Variants in AGBL1 observed in about 807,000 individuals in gnomAD.
AGBL1 encodes the protein AGBL carboxypeptidase 1.
Under a neutral mutation model 118.9 loss-of-function variants are expected in AGBL1, and 130 were observed. The ratio of observed to expected loss-of-function variants is 1.09; its 90% CI spans 0.95 to 1.26. The LOEUF (loss-of-function observed/expected upper bound fraction) is 1.26. Among genes scored for constraint, AGBL1 ranks in the 50% most tolerant of loss-of-function variants. AGBL1 has a pLI of 0.00. For synonymous variants in AGBL1, 555 were observed against 478.9 expected, an observed-to-expected ratio of 1.16 and a Z score of -2.08; for missense variants, 1,584 against 1,298.1, an observed-to-expected ratio of 1.22 and a Z score of -3.38.
chr15:86,116,585 T>C (rs1897773192), intron 1 of AGBL1: 1 of 152,280 alleles, frequency 6.6e-6, no homozygotes, highest in Non-Finnish European at 1.5e-5. Flanking sequence ...ACTTACTCTC[T>C]CTTCTTGAGC....
intron 18 of AGBL1, among the ~76,000 whole-genome samples, chr15:86,424,607 C>T (rs1028034309): frequency 7.2e-5 from 11 of 152,168 alleles, no homozygotes; most frequent in Non-Finnish European, 1.5e-4. Context: ...AGGCAACCTA[C>T]AGAATGGGAG....
chr15:86,470,697 G>A (rs117372599), intron 18 of AGBL1, among the ~76,000 whole-genome samples: 801 of 151,818 alleles, frequency 5.3e-3, no homozygotes, highest in Non-Finnish European at 8.1e-3. Flanking sequence ...TATTTGTGTC[G>A]TCTTAAATTT....
intron 19 of AGBL1, 107 bp downstream of exon 19, chr15:86,523,046 G>A: frequency 7.4e-7 from 1 of 1,347,902 alleles, no homozygotes; most frequent in Non-Finnish European, 1.0e-6. Context: ...AAAAACCTAT[G>A]TATGACAAGA....
intron 22 of AGBL1, among the ~76,000 whole-genome samples, chr15:86,704,908 T>G (rs1349320411): frequency 6.6e-6 from 1 of 152,046 alleles, no homozygotes; most frequent in South Asian, 2.1e-4. Context: ...ATAGACAAGA[T>G]AAAGAAAATG....
intron 1 of AGBL1, among the ~76,000 whole-genome samples, chr15:86,082,106 G>A (rs569292473): frequency 1.3e-5 from 2 of 152,326 alleles, no homozygotes; most frequent in South Asian, 2.1e-4. Context: ...CCTGCACCAA[G>A]TGCTTCCCTA....
intron 22 of AGBL1, among the ~76,000 whole-genome samples, chr15:86,732,970 T>A (rs956725886): frequency 7.4e-5 from 11 of 148,978 alleles, no homozygotes; most frequent in Non-Finnish European, 1.2e-4. Context: ...CATATACATA[T>A]ACATACATAC....
intron 18 of AGBL1, among the ~76,000 whole-genome samples, chr15:86,504,910 G>T (rs1271820685): frequency 6.6e-6 from 1 of 151,524 alleles, no homozygotes; most frequent in African/African-American, 2.4e-5. Context: ...TTTCATTTAA[G>T]CCTGAAGCCT....
intron 7 of AGBL1, among the ~76,000 whole-genome samples, chr15:86,249,047 C>A (rs970944608): frequency 6.6e-6 from 1 of 152,132 alleles, no homozygotes; most frequent in Admixed American, 6.5e-5. Flanking sequence ...TCTAGGGATT[C>A]CTGGATTTCA....
chr15:86,144,807 A>G (rs2077011075), intron 3 of AGBL1, among the ~76,000 whole-genome samples: 1 of 152,196 alleles, frequency 6.6e-6, no homozygotes, highest in Non-Finnish European at 1.5e-5. Flanking sequence ...TTACCCTTGA[A>G]CTTAAAATAA....
At chr15:86,962,491 C>T (rs972475252) in intron 23 of AGBL1, among the ~76,000 whole-genome samples, 4 of 151,962 alleles carry the variant, frequency 2.6e-5, no homozygotes, top group Non-Finnish European at 5.9e-5. Context: ...TACTATCATG[C>T]CACATATTCG....
chr15:86,768,756 T>C (rs192224323), intron 22 of AGBL1, among the ~76,000 whole-genome samples: 1 of 152,114 alleles, frequency 6.6e-6, no homozygotes, highest in Admixed American at 6.6e-5. Flanking sequence ...TAGTCGTTTA[T>C]TGTTTACTAA....
intron 19 of AGBL1, among the ~76,000 whole-genome samples, chr15:86,525,930 C>A (rs188111583): frequency 1.1e-3 from 168 of 152,142 alleles, no homozygotes; most frequent in Non-Finnish European, 2.1e-3. Flanking sequence ...AACAGACAAC[C>A]TACAGAATGG....
chr15:86,692,197 CAAAAA>C (rs1188583323), intron 22 of AGBL1, among the ~76,000 whole-genome samples: 1 of 151,584 alleles, frequency 6.6e-6, no homozygotes, highest in Non-Finnish European at 1.5e-5. Context: ...AAACAAAAAA[CAAAAA>C]AACCAAAAAA....
intron 5 of AGBL1, among the ~76,000 whole-genome samples, chr15:86,219,990 T>C (rs1250414086): frequency 2.0e-5 from 3 of 147,404 alleles, no homozygotes; most frequent in Non-Finnish European, 4.5e-5. Flanking sequence ...TTCACTCTGT[T>C]GCCCGGGCTG....
chr15:86,596,045 A>G (rs907019618), intron 21 of AGBL1, among the ~76,000 whole-genome samples: 1 of 151,998 alleles, frequency 6.6e-6, no homozygotes, highest in Admixed American at 6.6e-5. Flanking sequence ...ACACTTGTAA[A>G]TCCAGCACTC....
chr15:86,589,968 G>T (rs974580325), intron 21 of AGBL1, among the ~76,000 whole-genome samples: 10 of 152,090 alleles, frequency 6.6e-5, no homozygotes, highest in Admixed American at 3.9e-4. Context: ...GGGGCAAAGG[G>T]AAAACTTCCT....
chr15:86,937,087 T>C (rs777869266), intron 23 of AGBL1, among the ~76,000 whole-genome samples: 2 of 152,100 alleles, frequency 1.3e-5, no homozygotes, highest in Non-Finnish European at 2.9e-5. Flanking sequence ...GAAATGCAAA[T>C]GGAAACCACA....
chr15:86,191,559 AG>A lies in AGBL1; in HGVS notation c.488+32536del, dbSNP rs373408898. Among the ~76,000 whole-genome samples, 420 of 152,170 alleles carry A rather than the reference AG, an allele frequency of 2.8e-3. 1 individual carries two copies. Among genetic ancestry groups the A allele is most frequent in the African/African-American group, 9.3e-3 (385 of 41,538 alleles). On this transcript the variant is annotated intron_variant, in intron 5 of 22. Coordinates refer to ENST00000614907, the MANE Select transcript of AGBL1 (RefSeq NM_001386094.1). ...GAATGACAATAATTTATAAGAAGCC[AG>A]GGATGATGCTGTTATCAAGAACAAC...
At chr15:86,142,735 G>A (rs1435226251) in intron 2 of AGBL1, among the ~76,000 whole-genome samples, 9 of 152,290 alleles carry the variant, frequency 5.9e-5, no homozygotes, top group Admixed American at 1.3e-4. Flanking sequence ...TTTGTGCTGC[G>A]TTCCACTGGC....
Sources: allele counts gnomAD v4.1 joint callset (sites outside exome capture counted in the v4.1 genomes callset), GRCh38; gene constraint gnomAD v4.1.1; transcripts MANE v1.5; gene names NCBI Gene and HGNC (gene_info 2026-07-23, HGNC 2026-07-21).